The following SHC1 variants were observed in gnomAD, a reference collection of about 807,000 sequenced individuals.
SHC1 encodes SHC-transforming protein 1.
In SHC1, 30 loss-of-function variants were observed where a neutral mutation model predicts 55.9. The observed-to-expected ratio is 0.54, with a 90% CI of 0.40 to 0.73. The LOEUF is 0.73. Among genes scored for constraint, SHC1 ranks in the 30% least tolerant of loss-of-function variants. SHC1 has a pLI of 0.00. For missense variants in SHC1, 675 were observed against 777.1 expected (o/e 0.87, Z 1.56); for synonymous variants, 309 against 306.1 (o/e 1.01, Z -0.10).
At position 154,962,704 on chromosome 1, in the gene SHC1, G is replaced by A. The variant is rs1055836227; in HGVS notation, c.*1099C>T. The A allele has an allele frequency of 1.3e-5, 2 of 152,582 alleles. No homozygotes were observed. The highest frequency in any genetic ancestry group is 4.8e-5 in the African/African-American group (2 of 41,424). The allele number at this position is 152,582 out of a possible 1,614,324, so 9.5% of individuals were successfully genotyped here. On this transcript the variant is annotated 3_prime_UTR_variant, in exon 12 of 12. Coordinates refer to ENST00000448116, the MANE Select transcript of SHC1 (RefSeq NM_001130040.2). The stretch of plus-strand genomic sequence containing the variant: ...ATGCCAAGAGCTGTAAAAGGGCTTG[G>A]AAAAGTCAAAAAGGTGATGTATAAA...
rs539861855 is a variant in SHC1, at chr1:154,970,383, A to T, written c.144T>A (p.Pro48=). The change falls in exon 1 of 12, where the codon CCT becomes CCA. Residue 48 remains proline, a synonymous_variant. Transcript: ENST00000448116. The surrounding 1 kb of genome is among the most constrained non-coding windows in gnomAD (Gnocchi z 5.5). The part of the protein sequence containing the change: ...SASSLGPILP[P]LPGDDSPTTL... ...TAGTGGGACTATCGTCCCCAGGCAG[A>T]GGAGGCAGGATGGGCCCCAGGGATG... 2.7e-4 allele frequency: 439 copies of T among 1,603,432 alleles called. 5 individuals are homozygous for T. The South Asian group carries it at 4.7e-3, about 17-fold the overall frequency.
intron 7 of SHC1, 149 bp from the exon 8 acceptor site, chr1:154,966,666 C>T (rs1656028569): frequency 3.5e-6 from 2 of 564,102 alleles, no homozygotes; most frequent in South Asian, 5.7e-5. Context: ...TTTCATTCTC[C>T]TGGCAACCCC....
At chr1:154,967,346 C>T (rs1409506908) in intron 7 of SHC1, among the ~76,000 whole-genome samples, 2 of 152,066 alleles carry the variant, frequency 1.3e-5, no homozygotes, top group Non-Finnish European at 2.9e-5. Context: ...CTTCTAGAGG[C>T]AGGAAAACAC....
In SHC1 at chr1:154,966,005, C is replaced by T. The variant is rs763062912; in HGVS notation, c.1328G>A (p.Gly443Asp). 1.2e-6 allele frequency: 2 copies of T among 1,613,972 alleles called. No homozygotes were observed. Among genetic ancestry groups the T allele is most frequent in the African/African-American group, 2.7e-5 (2 of 74,882 alleles). ...NLDKARQAVG[G>D]AGPPNPAING... ...GATAGCAGGATTGGGGGGCCCAGCA[C>T]CACCCACTGCTTGCCGGGCCTTGTC... is the stretch of plus-strand genomic sequence containing the variant. The change falls in exon 10 of 12, where the codon GGT (glycine) becomes GAT (aspartate). Residue 443 changes from glycine (G) to aspartate (D), a missense_variant. Physicochemically the swap from Gly to Asp is moderately conservative, Grantham distance 94. Coordinates refer to ENST00000448116, the MANE Select transcript of SHC1 (RefSeq NM_001130040.2).
rs765582892 is a variant in SHC1, at chr1:154,969,098, G to A, written c.567-264C>T. ...TCCCATTCCCTTCCCAAAGGCAGCA[G>A]CAACCTTCCATCTACCCCCCTTTTC... On this transcript the variant is annotated intron_variant, in intron 2 of 11. Transcript: ENST00000448116. 1.2e-3 allele frequency among the ~76,000 whole-genome samples: 187 copies of A among 152,238 alleles called. 2 individuals carry two copies. Among genetic ancestry groups the A allele is most frequent in the Admixed American group, 9.8e-4 (15 of 15,286 alleles).
intron 10 of SHC1, 30 bp downstream of exon 10, chr1:154,965,916 G>A (rs1450022758): frequency 2.5e-6 from 4 of 1,595,894 alleles, no homozygotes; most frequent in Admixed American, 1.7e-5. Flanking sequence ...GAAAGGTGGG[G>A]ATGCAGAGAG....
chr1:154,967,005 A>T (rs1227767479), intron 7 of SHC1, among the ~76,000 whole-genome samples: 1 of 152,218 alleles, frequency 6.6e-6, no homozygotes, highest in Non-Finnish European at 1.5e-5. Context: ...GCTACTCAGG[A>T]GGCTAAGGTG....
rs1169722875 is a variant in SHC1, at chr1:154,963,746, A to C, written c.*57T>G. 2.5e-6 allele frequency: 4 copies of C among 1,587,582 alleles called. No individual in the cohort carries two copies. The highest frequency in any genetic ancestry group is 3.4e-6 in the Non-Finnish European group (4 of 1,159,542). ...ACTCCCAAACGAGGTCCCGAGAGTT[A>C]GGGAATAGGGTGGAAAGGATTGGAG... On this transcript the variant is annotated 3_prime_UTR_variant, in exon 12 of 12. Coordinates refer to ENST00000448116, the MANE Select transcript of SHC1 (RefSeq NM_001130040.2).
At position 154,966,401 on chromosome 1, in the gene SHC1, C is replaced by A; in HGVS notation, c.1100G>T (p.Arg367Met). 1 of 1,614,070 alleles carries A rather than the reference C, an allele frequency of 6.2e-7. No homozygotes were observed. The highest frequency in any genetic ancestry group is 8.5e-7 in the Non-Finnish European group (1 of 1,179,968). ...CCCTGGAGCGGCTCCTTCCCGAAGCCTCATGTCTACCACCCCCCCCAAGGG... is the reference window on the plus strand; with the variant it reads ...CCCTGGAGCGGCTCCTTCCCGAAGCATCATGTCTACCACCCCCCCCAAGGG... Reference protein sequence around the residue: ...EPPLGGVVDMRLREGAAPGAA... With the variant: ...EPPLGGVVDMMLREGAAPGAA... Residue 367 changes from arginine to methionine, a missense_variant, in exon 8 of 12, where the codon AGG becomes ATG. Transcript: ENST00000448116.
upstream of SHC1, chr1:154,973,452 A>C (rs1175144587): frequency 6.8e-6 from 1 of 147,894 alleles, no homozygotes; most frequent in African/African-American, 2.5e-5. Flanking sequence ...CGGAGGTTGC[A>C]GTGAGCCGAG....
At position 154,966,568 on chromosome 1, in the gene SHC1, G is replaced by A. The variant is rs184028604; in HGVS notation, c.984-51C>T. ...GGCTGTAAATGTGTGGTGGGCAGGA[G>A]GAGGGAAGGACAGAATAGAACAGCA... On this transcript the variant is annotated intron_variant, in intron 7 of 11. Transcript: ENST00000448116. The A allele has an allele frequency of 8.1e-4, 1,046 of 1,298,614 alleles. 9 individuals carry two copies. In the South Asian group the frequency reaches 8.5e-3, roughly 11 times the overall value. The allele number at this position is 1,298,614 out of a possible 1,614,324, so 80.4% of individuals were successfully genotyped here. A position where few individuals can be genotyped will look rare whatever the true frequency, so the allele number is the denominator to read the frequency against.
Position 154,967,698 on chromosome 1 carries a change from G to A in SHC1, c.956C>T (p.Pro319Leu). ...ELRFKQYLRN[P>L]PKLVTPHDRM... ...GTCATGAGGGGTGACCAGTTTGGGT[G>A]GGTTCCTGAGGTATTGTTTGAAGCG... is the stretch of plus-strand genomic sequence containing the variant. Residue 319 changes from proline (P) to leucine (L), a missense_variant, in exon 7 of 12, where the codon CCA (proline) becomes CTA (leucine). This residue lies in a region of SHC1 where 360 missense variants were observed against 371.1 expected (regional missense o/e 0.97). Transcript: ENST00000448116. 6.2e-7 allele frequency: 1 copy of A among 1,613,868 alleles called. No individual in the cohort carries two copies. Among genetic ancestry groups the A allele is most frequent in the Non-Finnish European group, 8.5e-7 (1 of 1,179,908 alleles).
chr1:154,969,433 C>G lies in SHC1; in HGVS notation c.511G>C (p.Glu171Gln), dbSNP rs770214555. 7 of 1,611,556 alleles carry G rather than the reference C, an allele frequency of 4.3e-6. No homozygotes were observed. Among genetic ancestry groups the G allele is most frequent in the Non-Finnish European group, 5.9e-6 (7 of 1,178,498 alleles). The change falls in exon 2 of 12, where the codon GAG (glutamate) becomes CAG (glutamine). Residue 171 changes from glutamate to glutamine, a missense_variant. Physicochemically the swap from Glu to Gln is conservative, Grantham distance 29. This residue lies in a region of SHC1 where 159 missense variants were observed against 246.9 expected (regional missense o/e 0.64). Coordinates refer to ENST00000448116, the MANE Select transcript of SHC1 (RefSeq NM_001130040.2). Reference sequence around the variant, plus strand: ...AGGGCACGCATTGACTGGAGGACCTCCACACAACCCATGTACTAAGGGGAG... The same window carrying G: ...AGGGCACGCATTGACTGGAGGACCTGCACACAACCCATGTACTAAGGGGAG... ...SYLVRYMGCV[E>Q]VLQSMRALDF...
At position 154,963,880 on chromosome 1, in the gene SHC1, G is replaced by C; in HGVS notation, c.1678C>G (p.His560Asp). 6.2e-7 allele frequency: 1 copy of C among 1,614,104 alleles called. No homozygotes were observed. Among genetic ancestry groups the C allele is most frequent in the South Asian group, 1.1e-5 (1 of 91,074 alleles). The part of the protein sequence containing the change: ...FESVSHLISY[H>D]MDNHLPIISA... ...ATGATGGGCAAGTGATTGTCCATGT[G>C]GTAGCTGATAAGGTGACTGACACTT... Residue 560 changes from histidine (H) to aspartate (D), a missense_variant, in exon 12 of 12, where the codon CAC becomes GAC. Physicochemically the swap from His to Asp is moderately conservative, Grantham distance 81 (BLOSUM62 -1). Coordinates refer to ENST00000448116, the MANE Select transcript of SHC1 (RefSeq NM_001130040.2).
intron 2 of SHC1, 154 bp from the exon 3 acceptor site, chr1:154,968,988 T>C: frequency 1.4e-6 from 1 of 691,992 alleles, no homozygotes; most frequent in Non-Finnish European, 2.6e-6. Flanking sequence ...GCCTTTAATA[T>C]TTGATGACAC....
chr1:154,967,276 G>A (rs965301544), intron 7 of SHC1, among the ~76,000 whole-genome samples: 1 of 152,164 alleles, frequency 6.6e-6, no homozygotes, highest in Non-Finnish European at 1.5e-5. Flanking sequence ...AAGGCCTGAG[G>A]TGGGAAAGGT....
At chr1:154,964,373 CAA>C in intron 11 of SHC1, 7 of 359,496 alleles carry the variant, frequency 1.9e-5, no homozygotes, top group Non-Finnish European at 2.8e-5. Flanking sequence ...CCATCTCTAC[CAA>C]AAAAAAAATA....
At chr1:154,971,287 C>A (rs1656725230), upstream of SHC1, among the ~76,000 whole-genome samples, 1 of 152,174 alleles carries the variant, frequency 6.6e-6, no homozygotes, top group African/African-American at 2.4e-5. Flanking sequence ...GCTACAGCAG[C>A]TGTGGACTGG....
At chr1:154,964,151 T>A (rs775307477) in intron 11 of SHC1, 1 of 695,902 alleles carries the variant, frequency 1.4e-6, no homozygotes, top group Admixed American at 1.9e-5. Flanking sequence ...AAAGGCGACA[T>A]CAGCCCTGAA....
Sources: allele counts gnomAD v4.1 joint callset (sites outside exome capture counted in the v4.1 genomes callset), GRCh38; gene constraint gnomAD v4.1.1; regional missense constraint gnomAD v4.1.1; non-coding constraint Gnocchi (gnomAD v3.1); transcripts MANE v1.5; gene names NCBI Gene and HGNC (gene_info 2026-07-23, HGNC 2026-07-21).